The following KIRREL1 variants were observed in gnomAD, a reference collection of about 807,000 sequenced individuals.
KIRREL1 encodes kin of IRRE-like protein 1.
Under a neutral mutation model 83.3 loss-of-function variants are expected in KIRREL1, and 25 were observed. The ratio of observed to expected loss-of-function variants is 0.30; its 90% CI spans 0.22 to 0.42. KIRREL1 has a LOEUF of 0.42. Ranked by LOEUF, KIRREL1 falls within the 10% of genes least tolerant of loss-of-function variation. The pLI, the probability that KIRREL1 is intolerant of heterozygous loss-of-function variation, is 1.00. For missense variants in KIRREL1, 812 were observed against 1,032.3 expected (o/e 0.79, Z 2.92); for synonymous variants, 388 against 410.4 (o/e 0.95, Z 0.66).
chr1:158,087,727 C>T, intron 5 of KIRREL1, 28 bp from the exon 6 acceptor site: 1 of 1,547,418 alleles, frequency 6.5e-7, no homozygotes, highest in Non-Finnish European at 8.9e-7. Context: ...ACAGAAAAGA[C>T]CCTGACTCCC....
chr1:158,049,099 G>T (rs34849848), intron 1 of KIRREL1, among the ~76,000 whole-genome samples: 21,672 of 152,214 alleles, frequency 0.14, 2,120 homozygotes, highest in Non-Finnish European at 0.21. Flanking sequence ...TAAGGTATTT[G>T]TAGAAGGTGG....
rs892937273 is a variant in KIRREL1, at chr1:158,094,461, G to A, written c.1797+71G>A. 1.4e-4 allele frequency: 205 copies of A among 1,460,102 alleles called. No homozygotes were observed. Among genetic ancestry groups the A allele is most frequent in the Non-Finnish European group, 1.8e-4 (191 of 1,045,814 alleles). 90.4% of individuals were successfully genotyped at this position (1,460,102 alleles called of 1,614,324 possible). ...TGGGTTTCTGAGGTCCTGTAGCGGG[G>A]AGGTGAGGTGAGGACAGACTTGGGG... On this transcript the variant is annotated intron_variant, in intron 14 of 14. Coordinates refer to ENST00000359209, the MANE Select transcript of KIRREL1 (RefSeq NM_018240.7). This position sits in a 1 kb window ranked among gnomAD's most constrained non-coding sequence, Gnocchi z 4.6.
chr1:158,009,166 A>G (rs6680584), intron 1 of KIRREL1, among the ~76,000 whole-genome samples: 51,136 of 152,056 alleles, frequency 0.34, 10,875 homozygotes, highest in African/African-American at 0.6. Flanking sequence ...GTTCCTCAGC[A>G]GTTCTTTGTG....
At chr1:158,014,940 A>G (rs1401572786) in intron 1 of KIRREL1, among the ~76,000 whole-genome samples, 1 of 152,072 alleles carries the variant, frequency 6.6e-6, no homozygotes, top group Admixed American at 6.5e-5. Context: ...TAATGCTACC[A>G]CTAATTCCTC....
chr1:158,077,855 G>T lies in KIRREL1; in HGVS notation c.203-136G>T, dbSNP rs1661728446. The T allele has an allele frequency of 5.2e-6, 5 of 960,454 alleles. No individual in the cohort carries two copies. The South Asian group carries it at 8.0e-5, about 15-fold the overall frequency. 59.5% of individuals were successfully genotyped at this position (960,454 alleles called of 1,614,324 possible). On this transcript the variant is annotated intron_variant, in intron 2 of 14. Transcript: ENST00000359209. ...TCGCCGTGAGGTGTCGTGGCATCAG[G>T]TGTCTGTGTCTGGGGCCTCACCTTC... is the stretch of plus-strand genomic sequence containing the variant.
At chr1:158,072,541 A>C (rs1661545590) in intron 1 of KIRREL1, among the ~76,000 whole-genome samples, 1 of 152,074 alleles carries the variant, frequency 6.6e-6, no homozygotes, top group Non-Finnish European at 1.5e-5. Context: ...ACTACACGAA[A>C]GTCACGGGAG....
At chr1:158,049,599 T>C (rs1660861413) in intron 1 of KIRREL1, among the ~76,000 whole-genome samples, 1 of 152,190 alleles carries the variant, frequency 6.6e-6, no homozygotes, top group Non-Finnish European at 1.5e-5. Flanking sequence ...AGATTTGTGT[T>C]TCAGAAAGAT....
At chr1:158,007,752 A>G (rs1659560440) in intron 1 of KIRREL1, among the ~76,000 whole-genome samples, 3 of 151,874 alleles carry the variant, frequency 2.0e-5, no homozygotes, top group Admixed American at 6.6e-5. Context: ...GGGTAGGACA[A>G]CTATGGCCCG....
chr1:158,045,106 A>G (rs1411998393), intron 1 of KIRREL1, among the ~76,000 whole-genome samples: 1 of 152,198 alleles, frequency 6.6e-6, no homozygotes, highest in Non-Finnish European at 1.5e-5. Context: ...CCTGAGGGGA[A>G]AATGCACCTG....
At chr1:158,051,896 C>T (rs12125220) in intron 1 of KIRREL1, among the ~76,000 whole-genome samples, 3,621 of 152,334 alleles carry the variant, frequency 0.024, 73 homozygotes, top group Middle Eastern at 0.071. Flanking sequence ...TCAGCTTCCA[C>T]CTTCTCCTAA....
At chr1:158,045,829 C>T (rs1660765955) in intron 1 of KIRREL1, among the ~76,000 whole-genome samples, 1 of 152,186 alleles carries the variant, frequency 6.6e-6, no homozygotes, top group Non-Finnish European at 1.5e-5. Context: ...AATCCAGAGT[C>T]ACCTCATTAG....
chr1:158,088,546 G>A (rs1270624767), intron 8 of KIRREL1, 92 bp downstream of exon 8: 28 of 1,118,946 alleles, frequency 2.5e-5, no homozygotes, highest in Non-Finnish European at 2.9e-5. Context: ...GTGCAGTGGC[G>A]CGATCTCGGC....
At chr1:158,063,820 C>T (rs1164298526) in intron 1 of KIRREL1, among the ~76,000 whole-genome samples, 1 of 152,206 alleles carries the variant, frequency 6.6e-6, no homozygotes, top group Non-Finnish European at 1.5e-5. Context: ...TTCGTTCCTG[C>T]ACCTCAGGTA....
intron 3 of KIRREL1, among the ~76,000 whole-genome samples, chr1:158,078,431 G>T (rs1283048782): frequency 1.3e-5 from 2 of 152,198 alleles, no homozygotes; most frequent in Admixed American, 6.5e-5. Flanking sequence ...AGGCTGTGGA[G>T]ACAAGAAGCA....
intron 8 of KIRREL1, among the ~76,000 whole-genome samples, chr1:158,089,024 G>A (rs944285358): frequency 3.9e-5 from 6 of 152,036 alleles, no homozygotes; most frequent in Admixed American, 1.3e-4. Context: ...GGCCTGGGGC[G>A]GGCCTACTGC....
At chr1:157,999,182 C>T (rs184618560) in intron 1 of KIRREL1, among the ~76,000 whole-genome samples, 23 of 152,328 alleles carry the variant, frequency 1.5e-4, no homozygotes, top group Admixed American at 1.4e-3. Context: ...TCCAAGGACA[C>T]ATCTATCTCC....
intron 2 of KIRREL1, 116 bp from the exon 3 acceptor site, chr1:158,077,875 A>T: frequency 8.3e-7 from 1 of 1,203,838 alleles, no homozygotes; most frequent in Non-Finnish European, 1.2e-6. Context: ...CTGGGGCCTC[A>T]CCTTCTCACC....
At chr1:158,010,392 T>TACACACAC (rs1659646451) in intron 1 of KIRREL1, among the ~76,000 whole-genome samples, 1 of 14,822 alleles carries the variant, frequency 6.7e-5, no homozygotes, top group Admixed American at 7.1e-4. Flanking sequence ...GTCACACACA[T>TACACACAC]GCATACACAC....
chr1:158,078,846 A>G (rs1253028030), intron 3 of KIRREL1, among the ~76,000 whole-genome samples: 1 of 152,112 alleles, frequency 6.6e-6, no homozygotes, highest in Admixed American at 6.5e-5. Flanking sequence ...TGGGGGACCG[A>G]GCAGATGTCC....
Sources: allele counts gnomAD v4.1 joint callset (sites outside exome capture counted in the v4.1 genomes callset), GRCh38; gene constraint gnomAD v4.1.1; non-coding constraint Gnocchi (gnomAD v3.1); transcripts MANE v1.5; gene names NCBI Gene and HGNC (gene_info 2026-07-23, HGNC 2026-07-21).